The following PALLD variants were observed in gnomAD, a reference collection of about 807,000 sequenced individuals.
PALLD encodes palladin, cytoskeletal associated protein.
In PALLD, 61 loss-of-function variants were observed where a neutral mutation model predicts 123.5. The ratio of observed to expected loss-of-function variants is 0.49; its 90% CI spans 0.40 to 0.61. The LOEUF is 0.61. Among genes scored for constraint, PALLD ranks in the 20% least tolerant of loss-of-function variants. The pLI, the probability that PALLD is intolerant of heterozygous loss-of-function variation, is 0.00. For missense variants in PALLD, 1,273 were observed against 1,377.0 expected (o/e 0.92, Z 1.20); for synonymous variants, 465 against 496.4 (o/e 0.94, Z 0.84).
intron 9 of PALLD, among the ~76,000 whole-genome samples, chr4:168,709,403 T>C (rs1425784739): frequency 2.0e-5 from 3 of 150,552 alleles, no homozygotes; most frequent in African/African-American, 4.9e-5. Flanking sequence ...CCAGCTACTC[T>C]GGAGGCTGAG....
At chr4:168,812,183 C>T (rs4692949) in intron 10 of PALLD, among the ~76,000 whole-genome samples, 80,173 of 152,016 alleles carry the variant, frequency 0.53, 22,180 homozygotes, top group Non-Finnish European at 0.64. Context: ...AAGACAAAGA[C>T]TAGACTTTTG....
At chr4:168,853,661 G>C (rs1748139656) in intron 10 of PALLD, among the ~76,000 whole-genome samples, 1 of 152,120 alleles carries the variant, frequency 6.6e-6, no homozygotes, top group African/African-American at 2.4e-5. Flanking sequence ...CTGAGACTCT[G>C]AGAATGGGGG....
chr4:168,611,473 C>T (rs1773721785), intron 2 of PALLD, among the ~76,000 whole-genome samples: 1 of 152,180 alleles, frequency 6.6e-6, no homozygotes, highest in African/African-American at 2.4e-5. Context: ...TTCCTCTCTT[C>T]TTCTTGTTAA....
At position 168,683,061 on chromosome 4, in the gene PALLD, G is replaced by T; in HGVS notation, c.1218G>T (p.Val406=). 6.2e-7 allele frequency: 1 copy of T among 1,612,902 alleles called. No homozygotes were observed. The highest frequency in any genetic ancestry group is 1.1e-5 in the South Asian group (1 of 90,958). The change falls in exon 5 of 22, where the codon GTG becomes GTT. Residue 406 remains valine (V), a synonymous_variant. Transcript: ENST00000505667. ...TIGSSSPKTG[V]TTAVIQPLSV... ...GATCATCATCTCCAAAGACAGGGGT[G>T]ACCACAGCTGTGATTCAACCACTGT... is the stretch of plus-strand genomic sequence containing the variant.
chr4:168,748,315 A>G (rs1484558291), intron 10 of PALLD, among the ~76,000 whole-genome samples: 1 of 152,140 alleles, frequency 6.6e-6, no homozygotes, highest in Non-Finnish European at 1.5e-5. Context: ...CTGGGGTGGG[A>G]CCTGGCAATC....
intron 2 of PALLD, among the ~76,000 whole-genome samples, chr4:168,641,768 A>G (rs1339435361): frequency 6.6e-6 from 1 of 152,116 alleles, no homozygotes; most frequent in East Asian, 1.9e-4. Flanking sequence ...TATCTGGGGA[A>G]CTTTCTACTC....
intron 10 of PALLD, among the ~76,000 whole-genome samples, chr4:168,719,714 A>C (rs1785797536): frequency 6.6e-6 from 1 of 152,078 alleles, no homozygotes; most frequent in Admixed American, 6.5e-5. Context: ...AATTTTTCTG[A>C]TCCTCTCCCT....
At chr4:168,720,919 C>G (rs1785948690) in intron 10 of PALLD, among the ~76,000 whole-genome samples, 1 of 152,146 alleles carries the variant, frequency 6.6e-6, no homozygotes, top group Non-Finnish European at 1.5e-5. Context: ...TAAATACTGG[C>G]TCTGACACAG....
intron 2 of PALLD, among the ~76,000 whole-genome samples, chr4:168,570,325 C>T (rs1252240562): frequency 6.6e-6 from 1 of 152,108 alleles, no homozygotes; most frequent in Non-Finnish European, 1.5e-5. Context: ...AAATACAAAC[C>T]CATTCTGGCC....
intron 10 of PALLD, among the ~76,000 whole-genome samples, chr4:168,751,439 C>A (rs1341077817): frequency 6.8e-6 from 1 of 148,002 alleles, no homozygotes; most frequent in Admixed American, 6.7e-5. Context: ...GATTTCCACA[C>A]TGGGAGAGCA....
chr4:168,881,332 A>G (rs1025752888), intron 10 of PALLD, among the ~76,000 whole-genome samples: 1 of 152,110 alleles, frequency 6.6e-6, no homozygotes, highest in Non-Finnish European at 1.5e-5. Flanking sequence ...TGTGGAGATA[A>G]GGTTCTGTTT....
chr4:168,693,160 CT>C (rs1782799173), intron 8 of PALLD, among the ~76,000 whole-genome samples: 1 of 146,842 alleles, frequency 6.8e-6, no homozygotes, highest in Non-Finnish European at 1.5e-5. Context: ...CACATCTACC[CT>C]GCGCCCTGCG....
intron 10 of PALLD, among the ~76,000 whole-genome samples, chr4:168,720,591 G>A (rs1785906521): frequency 6.6e-6 from 1 of 152,158 alleles, no homozygotes; most frequent in Non-Finnish European, 1.5e-5. Flanking sequence ...TCCTAATTCT[G>A]CAGTACGTGG....
intron 10 of PALLD, among the ~76,000 whole-genome samples, chr4:168,816,687 T>A (rs1742003007): frequency 6.6e-6 from 1 of 152,056 alleles, no homozygotes; most frequent in Non-Finnish European, 1.5e-5. Context: ...AGCAGTCTTT[T>A]TAAACAGCTG....
chr4:168,696,091 C>T (rs1045987949), intron 8 of PALLD, among the ~76,000 whole-genome samples: 1 of 152,004 alleles, frequency 6.6e-6, no homozygotes, highest in African/African-American at 2.4e-5. Context: ...TATGTTGGGC[C>T]ACATTCAAAG....
intron 2 of PALLD, among the ~76,000 whole-genome samples, chr4:168,567,838 G>T (rs1768564553): frequency 6.6e-6 from 1 of 151,508 alleles, no homozygotes; most frequent in African/African-American, 2.4e-5. Context: ...TTACCTATCG[G>T]GTACAATGTA....
intron 10 of PALLD, among the ~76,000 whole-genome samples, chr4:168,725,239 T>A (rs1018596813): frequency 1.3e-5 from 2 of 152,134 alleles, no homozygotes; most frequent in African/African-American, 4.8e-5. Context: ...CTCAGAGAAG[T>A]TTATAAATAG....
At position 168,837,014 on chromosome 4, in the gene PALLD, C is replaced by T. The variant is rs144814352; in HGVS notation, c.1965-53908C>T. 1.2e-4 allele frequency among the ~76,000 whole-genome samples: 18 copies of T among 152,288 alleles called. No individual in the cohort carries two copies. The East Asian group carries it at 3.5e-3, about 29-fold the overall frequency. On this transcript the variant is annotated intron_variant, in intron 10 of 21. Transcript: ENST00000505667. ...AGTTACAATGGCAAAAGGGACTCCA[C>T]CTTCTCTCTTTTTCCATTTAAGCCC...
chr4:168,614,683 G>A (rs1774049871), intron 2 of PALLD, among the ~76,000 whole-genome samples: 1 of 152,092 alleles, frequency 6.6e-6, no homozygotes, highest in South Asian at 2.1e-4. Flanking sequence ...ACTAACTTGG[G>A]TATATTTTTC....
Sources: allele counts gnomAD v4.1 joint callset (sites outside exome capture counted in the v4.1 genomes callset), GRCh38; gene constraint gnomAD v4.1.1; transcripts MANE v1.5; gene names NCBI Gene and HGNC (gene_info 2026-07-23, HGNC 2026-07-21).